The following CCM2 variants were observed in gnomAD, a reference collection of about 807,000 sequenced individuals.
CCM2 encodes cerebral cavernous malformations 2 protein.
In CCM2, 25 loss-of-function variants were observed where a neutral mutation model predicts 44.9. That is an observed-to-expected ratio of 0.56 (90% CI 0.41 to 0.78). The LOEUF is 0.78. CCM2 is among the 30% of genes least tolerant of loss of function. CCM2 has a pLI of 0.00. For synonymous variants in CCM2, 219 were observed against 241.1 expected, an observed-to-expected ratio of 0.91 and a Z score of 0.85; for missense variants, 481 against 580.6, an observed-to-expected ratio of 0.83 and a Z score of 1.76.
chr7:45,016,539 A>G (rs1014741299), intron 1 of CCM2, among the ~76,000 whole-genome samples: 3 of 151,270 alleles, frequency 2.0e-5, no homozygotes, highest in Non-Finnish European at 2.9e-5. Context: ...TATATTGGTC[A>G]GGCTGGTCTT....
chr7:45,057,784 T>C (rs1798334299), intron 2 of CCM2, among the ~76,000 whole-genome samples: 1 of 152,188 alleles, frequency 6.6e-6, no homozygotes, highest in Admixed American at 6.5e-5. Flanking sequence ...ACTATAGAGA[T>C]TGGGGAAGCC....
At chr7:45,036,204 G>A (rs535302846) in intron 1 of CCM2, among the ~76,000 whole-genome samples, 1 of 152,276 alleles carries the variant, frequency 6.6e-6, no homozygotes, top group African/African-American at 2.4e-5. Context: ...TGGTGGCAGC[G>A]TTAGTGCACT....
intron 2 of CCM2, among the ~76,000 whole-genome samples, chr7:45,040,968 C>T (rs143507707): frequency 3.9e-5 from 6 of 152,282 alleles, no homozygotes; most frequent in South Asian, 2.1e-4. Context: ...CCAGCCTAGG[C>T]GACAGCGTGA....
chr7:45,020,424 T>C (rs1796439313), intron 1 of CCM2, among the ~76,000 whole-genome samples: 1 of 152,136 alleles, frequency 6.6e-6, no homozygotes, highest in Non-Finnish European at 1.5e-5. Flanking sequence ...AGTTTCTTTA[T>C]TCTTCTTTAG....
chr7:45,058,340 T>TA (rs1798359979), intron 2 of CCM2, among the ~76,000 whole-genome samples: 1 of 152,170 alleles, frequency 6.6e-6, no homozygotes, highest in African/African-American at 2.4e-5. Context: ...TTTTAATACT[T>TA]TAAGTTTTAG....
At chr7:45,055,543 G>A (rs1055134609) in intron 2 of CCM2, among the ~76,000 whole-genome samples, 1 of 152,084 alleles carries the variant, frequency 6.6e-6, no homozygotes, top group East Asian at 1.9e-4. Flanking sequence ...AAAAAAATTA[G>A]CTGGGTGTGG....
At chr7:45,030,294 T>A (rs1796899485) in intron 1 of CCM2, among the ~76,000 whole-genome samples, 1 of 152,240 alleles carries the variant, frequency 6.6e-6, no homozygotes, top group African/African-American at 2.4e-5. Flanking sequence ...AAATACATGT[T>A]GAATGAAGAA....
intron 2 of CCM2, among the ~76,000 whole-genome samples, chr7:45,058,744 T>A (rs1798383935): frequency 6.6e-6 from 1 of 152,058 alleles, no homozygotes. Flanking sequence ...AATCATATGA[T>A]TTTTCTTTAG....
At chr7:45,028,185 A>G (rs1379858577) in intron 1 of CCM2, among the ~76,000 whole-genome samples, 1 of 152,170 alleles carries the variant, frequency 6.6e-6, no homozygotes, top group Non-Finnish European at 1.5e-5. Flanking sequence ...CAAGCAAGAG[A>G]GCACCCAAAG....
intron 1 of CCM2, among the ~76,000 whole-genome samples, chr7:45,025,276 T>C (rs1796638645): frequency 2.0e-5 from 3 of 152,304 alleles, no homozygotes; most frequent in African/African-American, 7.2e-5. Context: ...GGAATTCTTT[T>C]TGGGGGCTAA....
At chr7:45,029,342 G>C (rs1332591210) in intron 1 of CCM2, 1 of 152,108 alleles carries the variant, frequency 6.6e-6, no homozygotes, top group Non-Finnish European at 1.5e-5. Flanking sequence ...TATTCATAAG[G>C]GTTAAATAAT....
chr7:45,070,182 C>G, intron 6 of CCM2: 1 of 593,464 alleles, frequency 1.7e-6, no homozygotes, highest in South Asian at 2.0e-5. Context: ...AGCGCTATGG[C>G]TTCCTGGAAT....
chr7:45,073,174 T>G (rs56028225), intron 7 of CCM2: 1 of 573,930 alleles, frequency 1.7e-6, no homozygotes, highest in Non-Finnish European at 3.1e-6. Context: ...TCCCCAACCC[T>G]GGCTCCTTCC....
At chr7:45,074,171 T>C (rs1487873083) in intron 8 of CCM2, 99 bp from the exon 9 acceptor site, 2 of 1,589,408 alleles carry the variant, frequency 1.3e-6, no homozygotes, top group Non-Finnish European at 1.7e-6. Flanking sequence ...CAGAGACAGC[T>C]GGTGCTCTGG....
intron 2 of CCM2, 100 bp from the exon 3 acceptor site, chr7:45,063,818 C>T (rs1798636447): frequency 1.2e-6 from 1 of 834,010 alleles, no homozygotes; most frequent in Admixed American, 1.8e-5. Flanking sequence ...GGCCTGGTGG[C>T]CTGAGTATGA....
chr7:45,016,214 C>T (rs13224679), intron 1 of CCM2, among the ~76,000 whole-genome samples: 4,828 of 152,212 alleles, frequency 0.032, 114 homozygotes, highest in South Asian at 0.14. Flanking sequence ...GGAATTTGTG[C>T]TGAATGGGTT....
intron 2 of CCM2, among the ~76,000 whole-genome samples, chr7:45,063,394 C>T (rs1419255784): frequency 1.3e-5 from 2 of 152,180 alleles, no homozygotes; most frequent in Admixed American, 6.5e-5. Context: ...AAAGGCCCCA[C>T]CCTTAACACT....
At position 45,073,448 on chromosome 7, in the gene CCM2, A is replaced by G. The variant is rs765601186; in HGVS notation, c.804-12A>G. 6.2e-7 allele frequency: 1 copy of G among 1,605,946 alleles called. No homozygotes were observed. ...GGGAAGCCACCCGCTCACATACCAC[A>G]TTCTTTCGCAGCTGCTTCCCTGAAT... On this transcript the variant is annotated splice_polypyrimidine_tract_variant and intron_variant, in intron 7 of 9. Transcript: ENST00000258781.
intron 2 of CCM2, among the ~76,000 whole-genome samples, chr7:45,059,177 G>A (rs113572217): frequency 0.13 from 20,199 of 152,130 alleles, 1,652 homozygotes; most frequent in Middle Eastern, 0.23. Flanking sequence ...CACTGCCCCC[G>A]CTACGATTGA....
Sources: allele counts gnomAD v4.1 joint callset (sites outside exome capture counted in the v4.1 genomes callset), GRCh38; gene constraint gnomAD v4.1.1; transcripts MANE v1.5; gene names NCBI Gene and HGNC (gene_info 2026-07-23, HGNC 2026-07-21).